The following SLC18A2 variants were observed in gnomAD, a reference collection of about 807,000 sequenced individuals.
SLC18A2 encodes the protein solute carrier family 18 member A2.
A neutral mutation model predicts 59.2 loss-of-function variants in SLC18A2; 33 were observed. That is an observed-to-expected ratio of 0.56 (90% confidence interval 0.42 to 0.75). The LOEUF (loss-of-function observed/expected upper bound fraction) is 0.75, where lower values mean the gene tolerates loss of function less well. Ranked by LOEUF, SLC18A2 falls within the 30% of genes least tolerant of loss-of-function variation. The probability of loss-of-function intolerance (pLI) is 0.00; values close to 1 mark genes in which losing one functional copy is unlikely to be tolerated. For synonymous variants in SLC18A2, 228 were observed against 253.5 expected (o/e 0.90, Z 0.95); for missense variants, 569 against 668.6 (o/e 0.85, Z 1.64).
Position 117,244,219 on chromosome 10 carries a change from C to T in SLC18A2, c.370C>T (p.Leu124Phe). 1.2e-6 allele frequency: 2 copies of T among 1,614,218 alleles called. No individual in the cohort carries two copies. Among genetic ancestry groups the T allele is most frequent in the Admixed American group, 1.7e-5 (1 of 60,022 alleles). ...PSDCPSEDKD[L>F]LNENVQVGLL... ...CGACTGTCCCAGTGAAGACAAAGAC[C>T]TCCTGAATGAAAACGTGCAAGTTGG... is the stretch of plus-strand genomic sequence containing the variant. The change falls in exon 3 of 16, where the codon CTC (leucine) becomes TTC (phenylalanine). Residue 124 changes from leucine (L) to phenylalanine (F), a missense_variant. This residue lies in a region of SLC18A2 where 377 missense variants were observed against 389.8 expected (regional missense o/e 0.97). Coordinates refer to ENST00000644641, the MANE Select transcript of SLC18A2 (RefSeq NM_003054.6).
intron 9 of SLC18A2, among the ~76,000 whole-genome samples, chr10:117,256,320 C>T (rs1317660813): frequency 6.6e-6 from 1 of 152,128 alleles, no homozygotes; most frequent in Admixed American, 6.5e-5. Context: ...TTTGCCAGGC[C>T]CCGGGCTGCC....
chr10:117,272,345 C>A (rs1292793967), intron 15 of SLC18A2, among the ~76,000 whole-genome samples: 10 of 152,180 alleles, frequency 6.6e-5, no homozygotes, highest in Admixed American at 6.5e-4. Flanking sequence ...CCTGAATGGG[C>A]TCCCCTTGCC....
At chr10:117,266,838 T>C in intron 11 of SLC18A2, 27 bp downstream of exon 11, 1 of 1,590,418 alleles carries the variant, frequency 6.3e-7, no homozygotes, top group Non-Finnish European at 8.6e-7. Flanking sequence ...ACAACACTCA[T>C]TCTGTTACAA....
intron 15 of SLC18A2, among the ~76,000 whole-genome samples, chr10:117,270,906 G>A (rs1267312227): frequency 1.3e-5 from 2 of 152,158 alleles, no homozygotes; most frequent in Non-Finnish European, 1.5e-5. Flanking sequence ...GGATTTTAGA[G>A]ATGATTTTAC....
chr10:117,249,682 G>T (rs1844141590), intron 3 of SLC18A2, among the ~76,000 whole-genome samples: 1 of 152,174 alleles, frequency 6.6e-6, no homozygotes, highest in Non-Finnish European at 1.5e-5. Context: ...CTATGGCAAG[G>T]ATAAGCTAAT....
intron 9 of SLC18A2, among the ~76,000 whole-genome samples, chr10:117,256,028 C>T (rs2133734836): frequency 6.6e-6 from 1 of 152,204 alleles, no homozygotes; most frequent in Non-Finnish European, 1.5e-5. Flanking sequence ...TCCTTGGCCT[C>T]AAGGCAAGGG....
intron 2 of SLC18A2, among the ~76,000 whole-genome samples, 168 bp from the exon 3 acceptor site, chr10:117,243,803 C>T (rs1844079706): frequency 6.6e-6 from 1 of 152,152 alleles, no homozygotes. Flanking sequence ...CCAGCCTGGT[C>T]TCGAACTCCT....
At chr10:117,253,995 C>T (rs1361830307) in intron 4 of SLC18A2, 53 bp from the exon 5 acceptor site, 15 of 1,542,168 alleles carry the variant, frequency 9.7e-6, no homozygotes, top group East Asian at 2.3e-5. Context: ...CTGTTTGGGA[C>T]GGTTGTGTCC....
chr10:117,248,211 T>A (rs1844129044), intron 3 of SLC18A2, among the ~76,000 whole-genome samples: 1 of 152,162 alleles, frequency 6.6e-6, no homozygotes, highest in Non-Finnish European at 1.5e-5. Flanking sequence ...GTGATCCTCC[T>A]GCCTCAGCCT....
In SLC18A2 at chr10:117,254,401, G is replaced by A; in HGVS notation, c.608-4G>A. ...GCCTGTTGACTATTTCTTTCCCTGT[G>A]TAGGGATGGGCATGCTTGCCAGTGT... is the stretch of plus-strand genomic sequence containing the variant. On this transcript the variant is annotated splice_region_variant and splice_polypyrimidine_tract_variant and intron_variant, in intron 5 of 15. Coordinates refer to ENST00000644641, the MANE Select transcript of SLC18A2 (RefSeq NM_003054.6). 1 of 1,582,610 alleles carries A rather than the reference G, an allele frequency of 6.3e-7. No homozygotes were observed. Among genetic ancestry groups the A allele is most frequent in the South Asian group, 1.2e-5 (1 of 86,804 alleles).
At chr10:117,263,792 T>C (rs1465909659) in intron 10 of SLC18A2, among the ~76,000 whole-genome samples, 1 of 152,220 alleles carries the variant, frequency 6.6e-6, no homozygotes, top group Non-Finnish European at 1.5e-5. Context: ...CACTCTTGTC[T>C]TCTGGTTCTT....
intron 3 of SLC18A2, 64 bp from the exon 4 acceptor site, chr10:117,253,335 C>A: frequency 1.6e-6 from 2 of 1,238,632 alleles, no homozygotes; most frequent in South Asian, 1.2e-5. Flanking sequence ...AGGCGAAAAT[C>A]AATATAAAGC....
At chr10:117,268,611 C>T (rs2803811) in intron 13 of SLC18A2, 152,632 of 152,666 alleles carry the variant, frequency 1, 76,299 homozygotes, top group Middle Eastern at 1. Flanking sequence ...TTTGGTGCTT[C>T]CCTGCTTTGC....
chr10:117,274,711 T>G (rs1216951014), intron 15 of SLC18A2, among the ~76,000 whole-genome samples: 1 of 152,162 alleles, frequency 6.6e-6, no homozygotes, highest in Non-Finnish European at 1.5e-5. Flanking sequence ...TCCAAACCTT[T>G]TCCATCTTTC....
At chr10:117,258,387 G>T (rs1844253940) in intron 10 of SLC18A2, among the ~76,000 whole-genome samples, 1 of 152,090 alleles carries the variant, frequency 6.6e-6, no homozygotes, top group African/African-American at 2.4e-5. Flanking sequence ...ATTGTTAACA[G>T]TTCTATGTCT....
chr10:117,258,529 G>A (rs760448589), intron 10 of SLC18A2, among the ~76,000 whole-genome samples: 6 of 152,066 alleles, frequency 3.9e-5, no homozygotes, highest in Non-Finnish European at 7.4e-5. Context: ...CCATGTTTCC[G>A]TGTCAGAACA....
chr10:117,267,790 G>C (rs909941055), intron 13 of SLC18A2, 54 bp downstream of exon 13: 15 of 1,370,282 alleles, frequency 1.1e-5, no homozygotes, highest in Middle Eastern at 3.8e-4. Flanking sequence ...CACTAGGAAG[G>C]GTTCTTCTTC....
chr10:117,244,064 C>T lies in SLC18A2; in HGVS notation c.215C>T (p.Ser72Leu), dbSNP rs760012118. 6.2e-7 allele frequency: 1 copy of T among 1,614,224 alleles called. No homozygotes were observed. Among genetic ancestry groups the T allele is most frequent in the Non-Finnish European group, 8.5e-7 (1 of 1,180,038 alleles). Residue 72 changes from serine (S) to leucine (L), a missense_variant, in exon 3 of 16, where the codon TCA (serine) becomes TTA (leucine). Ser to Leu is a moderately radical substitution (Grantham distance 145). Coordinates refer to ENST00000644641, the MANE Select transcript of SLC18A2 (RefSeq NM_003054.6). ...TARPVHTASISDSFQSIFSYY... is the reference protein window; with the variant it reads ...TARPVHTASILDSFQSIFSYY... Reference sequence around the variant, plus strand: ...AGGCCAGTGCACACTGCCTCCATCTCAGACAGCTTCCAGAGCATCTTCTCC... The same window carrying T: ...AGGCCAGTGCACACTGCCTCCATCTTAGACAGCTTCCAGAGCATCTTCTCC...
At chr10:117,251,471 C>G (rs1375537706) in intron 3 of SLC18A2, among the ~76,000 whole-genome samples, 2 of 152,146 alleles carry the variant, frequency 1.3e-5, no homozygotes, top group African/African-American at 4.8e-5. Context: ...GGTCAGAATC[C>G]TGGCATCTTC....
Sources: allele counts gnomAD v4.1 joint callset (sites outside exome capture counted in the v4.1 genomes callset), GRCh38; gene constraint gnomAD v4.1.1; regional missense constraint gnomAD v4.1.1; transcripts MANE v1.5; gene names NCBI Gene and HGNC (gene_info 2026-07-23, HGNC 2026-07-21).